The following SDC2 variants were observed in gnomAD, a reference collection of about 807,000 sequenced individuals.
SDC2 encodes the protein syndecan-2.
Under a neutral mutation model 22.2 loss-of-function variants are expected in SDC2, and 13 were observed. That is an observed-to-expected ratio of 0.59 (90% CI 0.38 to 0.93). SDC2 has a LOEUF of 0.93. SDC2 is among the 40% of genes least tolerant of loss of function. The pLI is 0.00. For synonymous variants in SDC2, 94 were observed against 92.8 expected (o/e 1.01, Z -0.07); for missense variants, 235 against 246.8 (o/e 0.95, Z 0.32).
intron 1 of SDC2, among the ~76,000 whole-genome samples, chr8:96,559,738 A>G (rs1314450607): frequency 6.6e-6 from 1 of 152,210 alleles, no homozygotes; most frequent in African/African-American, 2.4e-5. Context: ...AAGGGAAATG[A>G]AACTCAAGAA....
intron 1 of SDC2, among the ~76,000 whole-genome samples, chr8:96,557,580 T>A (rs1321973731): frequency 5.3e-4 from 75 of 142,006 alleles, no homozygotes; most frequent in African/African-American, 1.8e-3. Flanking sequence ...AACAATGAGA[T>A]CACATGGTCA....
intron 1 of SDC2, among the ~76,000 whole-genome samples, chr8:96,560,420 A>G (rs1041809754): frequency 1.3e-5 from 2 of 152,226 alleles, no homozygotes; most frequent in South Asian, 2.1e-4. Context: ...ATTAAGTGCT[A>G]TATGAGTTAA....
chr8:96,503,814 A>T (rs1813201036), intron 1 of SDC2, among the ~76,000 whole-genome samples: 1 of 152,172 alleles, frequency 6.6e-6, no homozygotes, highest in African/African-American at 2.4e-5. Flanking sequence ...ATATGTTATA[A>T]AGCTCAGAGA....
intron 1 of SDC2, among the ~76,000 whole-genome samples, chr8:96,516,592 C>T (rs1461787859): frequency 6.6e-6 from 1 of 151,898 alleles, no homozygotes; most frequent in African/African-American, 2.4e-5. Context: ...TTTCATTCCA[C>T]TCACTTCAAG....
At chr8:96,571,447 A>C (rs550898691) in intron 1 of SDC2, among the ~76,000 whole-genome samples, 1 of 152,210 alleles carries the variant, frequency 6.6e-6, no homozygotes, top group Non-Finnish European at 1.5e-5. Flanking sequence ...AAAACTTGAA[A>C]ATAGAAACAA....
At chr8:96,591,499 G>A (rs1187634905) in intron 1 of SDC2, among the ~76,000 whole-genome samples, 1 of 152,080 alleles carries the variant, frequency 6.6e-6, no homozygotes. Flanking sequence ...TTTTGAGAGG[G>A]ACAGAGAACA....
Position 96,517,799 on chromosome 8 carries a change from G to A in SDC2, c.60+23468G>A, listed in dbSNP as rs915400396. On this transcript the variant is annotated intron_variant, in intron 1 of 4. Coordinates refer to ENST00000302190, the MANE Select transcript of SDC2 (RefSeq NM_002998.4). ...TGTGTGTGTGTGTGTGTGTGTGTGT[G>A]TGTATATATATATGCACACATGAAT... 1.1e-3 allele frequency among the ~76,000 whole-genome samples: 142 copies of A among 129,558 alleles called. 2 individuals are homozygous for A. Among genetic ancestry groups the A allele is most frequent in the African/African-American group, 4.0e-3 (130 of 32,162 alleles). The allele number at this position is 129,558 out of a possible 152,430, so 85.0% of individuals were successfully genotyped here.
At chr8:96,588,360 T>C (rs570075300) in intron 1 of SDC2, among the ~76,000 whole-genome samples, 1 of 152,376 alleles carries the variant, frequency 6.6e-6, no homozygotes, top group Non-Finnish European at 1.5e-5. Context: ...ATATCATCTC[T>C]GAGTGACTGT....
At chr8:96,606,754 A>G (rs1815086992) in intron 3 of SDC2, among the ~76,000 whole-genome samples, 1 of 152,188 alleles carries the variant, frequency 6.6e-6, no homozygotes, top group Non-Finnish European at 1.5e-5. Flanking sequence ...TGAGAGTTAG[A>G]AAGGCAAGAG....
chr8:96,495,005 G>T (rs1373448800), intron 1 of SDC2, among the ~76,000 whole-genome samples: 3 of 152,200 alleles, frequency 2.0e-5, no homozygotes, highest in African/African-American at 7.2e-5. Flanking sequence ...CTGGGACGCC[G>T]GCCACTGGAT....
intron 1 of SDC2, among the ~76,000 whole-genome samples, chr8:96,546,382 G>A (rs1429314478): frequency 1.3e-5 from 2 of 152,250 alleles, no homozygotes; most frequent in East Asian, 3.9e-4. Flanking sequence ...TTAGTACTTG[G>A]CTCATTGGGT....
intron 1 of SDC2, among the ~76,000 whole-genome samples, chr8:96,539,353 A>C (rs761393226): frequency 6.6e-6 from 1 of 152,202 alleles, no homozygotes; most frequent in Non-Finnish European, 1.5e-5. Flanking sequence ...ACATTTTCTT[A>C]CTGATCTTCT....
At chr8:96,527,263 G>T (rs1365635946) in intron 1 of SDC2, among the ~76,000 whole-genome samples, 1 of 152,054 alleles carries the variant, frequency 6.6e-6, no homozygotes, top group Non-Finnish European at 1.5e-5. Context: ...ACCCTATTTT[G>T]CTATAGGGGA....
chr8:96,523,758 A>G (rs1813534195), intron 1 of SDC2, among the ~76,000 whole-genome samples: 1 of 152,234 alleles, frequency 6.6e-6, no homozygotes, highest in African/African-American at 2.4e-5. Context: ...TATTTGGTAC[A>G]AGAATCCATC....
chr8:96,596,369 T>A (rs1814876607), intron 2 of SDC2, among the ~76,000 whole-genome samples: 1 of 151,990 alleles, frequency 6.6e-6, no homozygotes, highest in African/African-American at 2.4e-5. Context: ...GAAAAGCAAA[T>A]GGATTGGAAA....
intron 1 of SDC2, among the ~76,000 whole-genome samples, chr8:96,567,936 A>G (rs907751863): frequency 6.6e-6 from 1 of 152,036 alleles, no homozygotes; most frequent in Non-Finnish European, 1.5e-5. Flanking sequence ...GGAAGAGGAA[A>G]CTCCTTCAAA....
intron 1 of SDC2, among the ~76,000 whole-genome samples, chr8:96,550,579 C>T (rs1018415538): frequency 6.6e-6 from 1 of 152,092 alleles, no homozygotes; most frequent in Non-Finnish European, 1.5e-5. Context: ...GGGAGTTTTG[C>T]TCTCTCCAGC....
chr8:96,582,757 C>T (rs937012902), intron 1 of SDC2, among the ~76,000 whole-genome samples: 5 of 152,242 alleles, frequency 3.3e-5, no homozygotes, highest in Admixed American at 1.3e-4. Flanking sequence ...GCAGGTGTGT[C>T]GGAGGCACAG....
intron 3 of SDC2, among the ~76,000 whole-genome samples, chr8:96,607,415 A>G (rs1172846578): frequency 2.0e-5 from 3 of 152,218 alleles, no homozygotes; most frequent in Admixed American, 6.5e-5. Flanking sequence ...CAGTGCTGTG[A>G]CATGGAAAAC....
Sources: allele counts gnomAD v4.1 joint callset (sites outside exome capture counted in the v4.1 genomes callset), GRCh38; gene constraint gnomAD v4.1.1; transcripts MANE v1.5; gene names NCBI Gene and HGNC (gene_info 2026-07-23, HGNC 2026-07-21).